Variants in KIAA1671 observed in about 807,000 individuals in gnomAD.
KIAA1671 encodes KIAA1671, also known as uncharacterized protein KIAA1671.
Under a neutral mutation model 131.2 loss-of-function variants are expected in KIAA1671, and 52 were observed. The ratio of observed to expected loss-of-function variants is 0.40; its 90% CI spans 0.32 to 0.50. KIAA1671 has a LOEUF of 0.50. Ranked by LOEUF, KIAA1671 falls within the 20% of genes least tolerant of loss-of-function variation. The probability of loss-of-function intolerance (pLI) is 0.73; values close to 1 mark genes in which losing one functional copy is unlikely to be tolerated. For synonymous variants in KIAA1671, 1,003 were observed against 961.6 expected (o/e 1.04, Z -0.80); for missense variants, 2,360 against 2,364.2 (o/e 1.00, Z 0.04).
intron 1 of KIAA1671, among the ~76,000 whole-genome samples, chr22:25,002,977 G>T (rs1344214533): frequency 2.0e-5 from 3 of 152,126 alleles, no homozygotes; most frequent in Non-Finnish European, 2.9e-5. Flanking sequence ...TTGCCATGTT[G>T]CCCAGGCTGG....
chr22:25,018,830 C>T (rs377460841), intron 1 of KIAA1671, among the ~76,000 whole-genome samples: 28 of 152,152 alleles, frequency 1.8e-4, no homozygotes, highest in South Asian at 6.2e-4. Flanking sequence ...ATTGTTTACA[C>T]GTTTTGGTTA....
intron 6 of KIAA1671, among the ~76,000 whole-genome samples, chr22:25,158,405 T>C (rs1471271565): frequency 6.6e-6 from 1 of 152,160 alleles, no homozygotes; most frequent in Admixed American, 6.5e-5. Context: ...GCTTACAGTT[T>C]AGAGAACACA....
chr22:25,173,241 C>G (rs1568991568), intron 7 of KIAA1671, among the ~76,000 whole-genome samples: 1 of 152,116 alleles, frequency 6.6e-6, no homozygotes, highest in Non-Finnish European at 1.5e-5. Context: ...CCACCAGGCC[C>G]TTCCTCCAAT....
intron 1 of KIAA1671, among the ~76,000 whole-genome samples, chr22:25,004,336 G>C (rs1924628982): frequency 6.6e-6 from 1 of 151,994 alleles, no homozygotes. Flanking sequence ...AGCTGATCCT[G>C]AACTCCTGGC....
chr22:25,194,754 C>G lies in KIAA1671; in HGVS notation c.*2353C>G, dbSNP rs1934770417. On this transcript the variant is annotated 3_prime_UTR_variant, in exon 13 of 13. Transcript: ENST00000358431. ...TCCTTTTATTTTTCTATAACCTTGT[C>G]TCCTCCAGCACCACAGGGAAGACAA... The G allele has an allele frequency of 6.6e-6, 1 of 152,144 alleles. No homozygotes were observed. The highest frequency in any genetic ancestry group is 6.5e-5 in the Admixed American group (1 of 15,282). The allele number at this position is 152,144 out of a possible 1,614,324, so 9.4% of individuals were successfully genotyped here. A position where few individuals can be genotyped will look rare whatever the true frequency, so the allele number is the denominator to read the frequency against.
chr22:25,124,371 A>C (rs1371871405), intron 6 of KIAA1671, among the ~76,000 whole-genome samples: 2 of 152,242 alleles, frequency 1.3e-5, no homozygotes, highest in African/African-American at 4.8e-5. Context: ...CTTATTACTA[A>C]GAATTAAAAA....
chr22:25,013,337 G>T (rs1925139140), intron 1 of KIAA1671: 1 of 152,184 alleles, frequency 6.6e-6, no homozygotes, highest in Admixed American at 6.5e-5. Context: ...TGAGACTGTG[G>T]TCAGGGTCTG....
intron 6 of KIAA1671, among the ~76,000 whole-genome samples, chr22:25,160,282 GCACAC>G (rs1933392653): frequency 6.6e-6 from 1 of 152,312 alleles, no homozygotes; most frequent in African/African-American, 2.4e-5. Flanking sequence ...TCAGCCACAT[GCACAC>G]AGGTGCACAC....
intron 6 of KIAA1671, chr22:25,062,586 C>G (rs1463486901): frequency 6.6e-6 from 1 of 152,364 alleles, no homozygotes; most frequent in Non-Finnish European, 1.5e-5. Flanking sequence ...GCTCCTTTCA[C>G]GCAGCACGGC....
At chr22:25,002,280 T>TC (rs1443996468) in intron 1 of KIAA1671, among the ~76,000 whole-genome samples, 1 of 151,984 alleles carries the variant, frequency 6.6e-6, no homozygotes, top group East Asian at 1.9e-4. Flanking sequence ...CAGGTTAGGC[T>TC]CCCCCAGAAG....
At chr22:24,960,375 A>G (rs943800211) in intron 1 of KIAA1671, among the ~76,000 whole-genome samples, 2 of 150,396 alleles carry the variant, frequency 1.3e-5, no homozygotes, top group African/African-American at 2.4e-5. Context: ...GTGAAACCCC[A>G]TCTCTACTAA....
At chr22:25,078,656 CA>C (rs1458578459) in intron 6 of KIAA1671, among the ~76,000 whole-genome samples, 2 of 152,214 alleles carry the variant, frequency 1.3e-5, no homozygotes, top group Non-Finnish European at 2.9e-5. Context: ...ACACCGTAAG[CA>C]ATTACTGTTA....
chr22:25,075,167 A>G (rs1929037480), intron 6 of KIAA1671, among the ~76,000 whole-genome samples: 1 of 152,186 alleles, frequency 6.6e-6, no homozygotes, highest in African/African-American at 2.4e-5. Context: ...ACATTTGGCA[A>G]TGTCTGGAGA....
At chr22:24,975,770 A>G (rs1414216492) in intron 1 of KIAA1671, among the ~76,000 whole-genome samples, 2 of 152,088 alleles carry the variant, frequency 1.3e-5, no homozygotes, top group Non-Finnish European at 2.9e-5. Context: ...TCAGAGAGGG[A>G]ATTGACTCCA....
intron 9 of KIAA1671, chr22:25,179,491 G>C (rs1271157833): frequency 7.4e-6 from 12 of 1,612,574 alleles, no homozygotes; most frequent in African/African-American, 1.3e-5. Flanking sequence ...CCAGCGCCTT[G>C]TGCAGCACCT....
intron 9 of KIAA1671, among the ~76,000 whole-genome samples, chr22:25,180,546 AAAG>A (rs1470563773): frequency 3.3e-5 from 5 of 152,260 alleles, no homozygotes; most frequent in African/African-American, 1.2e-4. Context: ...CAAAAAAAAA[AAAG>A]AAGAAAAAAT....
intron 6 of KIAA1671, among the ~76,000 whole-genome samples, chr22:25,114,214 G>A (rs554246431): frequency 1.1e-4 from 16 of 152,184 alleles, no homozygotes; most frequent in Non-Finnish European, 1.9e-4. Flanking sequence ...CCTACTGGGT[G>A]GTAGGCACCA....
chr22:25,032,381 C>T (rs1926341482), intron 3 of KIAA1671, among the ~76,000 whole-genome samples: 1 of 152,216 alleles, frequency 6.6e-6, no homozygotes, highest in Non-Finnish European at 1.5e-5. Context: ...AGTGAAGAGG[C>T]AGTAGAGCTG....
chr22:25,074,526 G>GAAAA (rs1928999980), intron 6 of KIAA1671, among the ~76,000 whole-genome samples: 1 of 137,242 alleles, frequency 7.3e-6, no homozygotes, highest in Admixed American at 7.3e-5. Context: ...AAGAAAGAAA[G>GAAAA]AAATTGAGGC....
Sources: gnomAD v4.1 joint callset for allele counts (sites outside exome capture counted in the v4.1 genomes callset) on GRCh38, gnomAD v4.1.1 for gene constraint, MANE v1.5 for transcripts, NCBI Gene and HGNC (gene_info 2026-07-23, HGNC 2026-07-21) for gene names.